CREBBP: variants seen among roughly 807,000 people sequenced by gnomAD.
CREBBP encodes the protein CREB-binding protein.
Under a neutral mutation model 265.0 loss-of-function variants are expected in CREBBP, and 19 were observed. The ratio of observed to expected loss-of-function variants is 0.07; its 90% confidence interval spans 0.05 to 0.11. The LOEUF (loss-of-function observed/expected upper bound fraction) is 0.11. CREBBP is among the 10% of genes least tolerant of loss of function. The pLI, the probability that CREBBP is intolerant of heterozygous loss-of-function variation, is 1.00. For synonymous variants in CREBBP, 1,457 were observed against 1,223.7 expected (o/e 1.19, Z -3.98); for missense variants, 2,525 against 3,219.0 (o/e 0.78, Z 5.22).
intron 5 of CREBBP, among the ~76,000 whole-genome samples, chr16:3,785,364 T>C (rs531266685): frequency 6.6e-6 from 1 of 152,190 alleles, no homozygotes; most frequent in Non-Finnish European, 1.5e-5. Flanking sequence ...GTGGGCACAA[T>C]CTCTGCATTC....
chr16:3,742,501 A>C (rs372240809), intron 23 of CREBBP: 3 of 152,156 alleles, frequency 2.0e-5, no homozygotes, highest in African/African-American at 7.2e-5. Context: ...TCCATGGCGC[A>C]TGACAGGGGC....
rs1210506666 is a variant in CREBBP, at chr16:3,729,290, A to G, written c.5757T>C (p.Ala1919=). The change falls in exon 31 of 31, where the codon GCT becomes GCC. Residue 1919 remains alanine (A), a synonymous_variant. Coordinates refer to ENST00000262367, the MANE Select transcript of CREBBP (RefSeq NM_004380.3). ...PQPSPVSMSP[A]GFPSVARTQP... Reference sequence around the variant, plus strand: ...GAGTCCGGGCCACGCTGGGGAAGCCAGCTGGTGACATGCTCACGGGTGAGG... The same window carrying G: ...GAGTCCGGGCCACGCTGGGGAAGCCGGCTGGTGACATGCTCACGGGTGAGG... 2 of 1,538,606 alleles carry G rather than the reference A, an allele frequency of 1.3e-6. No individual in the cohort carries two copies. The highest frequency in any genetic ancestry group is 2.4e-5 in the East Asian group (1 of 41,070).
chr16:3,874,080 G>A (rs896217693), intron 1 of CREBBP, among the ~76,000 whole-genome samples: 1 of 152,156 alleles, frequency 6.6e-6, no homozygotes, highest in East Asian at 1.9e-4. Context: ...AAAGACGGAC[G>A]AGAAATGCCA....
chr16:3,809,431 C>T (rs1232163621), intron 3 of CREBBP, among the ~76,000 whole-genome samples: 1 of 152,200 alleles, frequency 6.6e-6, no homozygotes, highest in Non-Finnish European at 1.5e-5. Context: ...CCGCCTCAGC[C>T]TCCCAAAGTG....
intron 2 of CREBBP, among the ~76,000 whole-genome samples, chr16:3,814,687 T>C (rs1388946647): frequency 1.3e-5 from 2 of 152,186 alleles, no homozygotes; most frequent in Non-Finnish European, 2.9e-5. Context: ...AACAAGTTTT[T>C]ACCTTGATTC....
chr16:3,835,285 G>C (rs1275512206), intron 2 of CREBBP, among the ~76,000 whole-genome samples: 1 of 152,070 alleles, frequency 6.6e-6, no homozygotes, highest in Non-Finnish European at 1.5e-5. Flanking sequence ...TGAAGGGCCA[G>C]TTAATAAATA....
At chr16:3,851,318 AAAAAAAAGAGT>A in intron 1 of CREBBP, among the ~76,000 whole-genome samples, 2 of 150,994 alleles carry the variant, frequency 1.3e-5, no homozygotes, top group Admixed American at 1.3e-4. Context: ...AAAAAAAAAA[AAAAAAAAGAGT>A]AATGTCAAAA....
At position 3,821,153 on chromosome 16, in the gene CREBBP, T is replaced by C. The variant is rs142041410; in HGVS notation, c.799-10374A>G. ...CCTTATCTATAAAATAGGAAGCATTTAGATTATCATTAGGTGATCTTTAAA... is the reference window on the plus strand; with the variant it reads ...CCTTATCTATAAAATAGGAAGCATTCAGATTATCATTAGGTGATCTTTAAA... On this transcript the variant is annotated intron_variant, in intron 2 of 30. Coordinates refer to ENST00000262367, the MANE Select transcript of CREBBP (RefSeq NM_004380.3). Among the ~76,000 whole-genome samples the C allele has an allele frequency of 8.5e-5, 13 of 152,364 alleles. No individual in the cohort carries two copies. The East Asian group carries it at 2.1e-3, about 25-fold the overall frequency.
intron 12 of CREBBP, 144 bp from the exon 13 acceptor site, chr16:3,774,074 G>A: frequency 1.1e-6 from 1 of 908,928 alleles, no homozygotes; most frequent in Non-Finnish European, 1.8e-6. Context: ...CATGGGAAGA[G>A]ACCACCACTT....
chr16:3,854,123 G>A (rs909294208), intron 1 of CREBBP, among the ~76,000 whole-genome samples: 3 of 152,170 alleles, frequency 2.0e-5, no homozygotes, highest in Non-Finnish European at 4.4e-5. Context: ...TCTGAGGAAC[G>A]TTCCCTGGCC....
intron 2 of CREBBP, among the ~76,000 whole-genome samples, chr16:3,817,256 G>A (rs1472373972): frequency 6.6e-6 from 1 of 152,180 alleles, no homozygotes; most frequent in African/African-American, 2.4e-5. Flanking sequence ...CCCTTACCCA[G>A]AGCTTTCCAC....
chr16:3,851,140 T>C (rs1271986089), intron 1 of CREBBP, 131 bp from the exon 2 acceptor site: 2 of 781,228 alleles, frequency 2.6e-6, no homozygotes, highest in Non-Finnish European at 4.3e-6. Context: ...GTCATGTCAT[T>C]AGCTGGGTGT....
intron 1 of CREBBP, among the ~76,000 whole-genome samples, chr16:3,873,969 G>T (rs951466738): frequency 6.6e-6 from 1 of 152,154 alleles, no homozygotes; most frequent in African/African-American, 2.4e-5. Flanking sequence ...CCCTGGGGAG[G>T]GAAGTGCTGG....
intron 19 of CREBBP, among the ~76,000 whole-genome samples, chr16:3,756,916 T>A (rs936194706): frequency 4.6e-5 from 7 of 152,224 alleles, no homozygotes; most frequent in Non-Finnish European, 8.8e-5. Context: ...ATCCAAGTAG[T>A]ACGGCAAGAC....
intron 21 of CREBBP, 104 bp downstream of exon 21, chr16:3,749,523 G>C (rs1279175860): frequency 2.6e-6 from 2 of 757,040 alleles, no homozygotes; most frequent in Non-Finnish European, 4.5e-6. Context: ...TCCACTTACG[G>C]CAACATATTT....
intron 21 of CREBBP, among the ~76,000 whole-genome samples, chr16:3,746,891 G>C (rs1424200483): frequency 6.6e-6 from 1 of 152,178 alleles, no homozygotes; most frequent in Non-Finnish European, 1.5e-5. Context: ...GCTGCAGTGA[G>C]CTATGACTGC....
intron 21 of CREBBP, among the ~76,000 whole-genome samples, chr16:3,747,303 G>A (rs780437991): frequency 6.6e-6 from 1 of 152,160 alleles, no homozygotes; most frequent in Non-Finnish European, 1.5e-5. Flanking sequence ...AAGTCTAAAC[G>A]TCAAGAGACA....
chr16:3,729,686 G>A lies in CREBBP; in HGVS notation c.5361C>T (p.Asn1787=), dbSNP rs375462934. 152 of 1,612,942 alleles carry A rather than the reference G, an allele frequency of 9.4e-5. No individual in the cohort carries two copies. Among genetic ancestry groups the A allele is most frequent in the South Asian group, 1.2e-4 (11 of 91,076 alleles). The stretch of plus-strand genomic sequence containing the variant: ...GGCAGGATGGCAGCGAGCAGTTGGC[G>A]TTGCGGCACTGGCACGCGTGCACCA... ...QSLVHACQCR[N]ANCSLPSCQK... is the part of the protein sequence containing the mutation. The change falls in exon 31 of 31, where the codon AAC becomes AAT. Residue 1787 remains asparagine (N), a synonymous_variant. Coordinates refer to ENST00000262367, the MANE Select transcript of CREBBP (RefSeq NM_004380.3).
At chr16:3,849,525 CTTTTTTTTTTT>C (rs140938515) in intron 2 of CREBBP, among the ~76,000 whole-genome samples, 4 of 6,558 alleles carry the variant, frequency 6.1e-4, no homozygotes, top group African/African-American at 1.4e-3. Flanking sequence ...GAGGCTGCTG[CTTTTTTTTTTT>C]TTTTTTTTTT....
Sources: gnomAD v4.1 joint callset for allele counts (sites outside exome capture counted in the v4.1 genomes callset) on GRCh38, gnomAD v4.1.1 for gene constraint, MANE v1.5 for transcripts, NCBI Gene and HGNC (gene_info 2026-07-23, HGNC 2026-07-21) for gene names.